Variants in PCDHGA3 observed in about 807,000 individuals in gnomAD.
The protein encoded by PCDHGA3 is protocadherin gamma subfamily A, 3, also known as protocadherin gamma-A3.
Under a neutral mutation model 58.5 loss-of-function variants are expected in PCDHGA3, and 40 were observed. That is an observed-to-expected ratio of 0.68 (90% CI 0.53 to 0.89). The LOEUF (loss-of-function observed/expected upper bound fraction) is 0.89, where lower values mean the gene tolerates loss of function less well. Ranked by LOEUF, PCDHGA3 falls within the 40% of genes least tolerant of loss-of-function variation. The pLI is 0.00. For missense variants in PCDHGA3, 1,223 were observed against 1,195.9 expected, an observed-to-expected ratio of 1.02 and a Z score of -0.33; for synonymous variants, 530 against 525.7, an observed-to-expected ratio of 1.01 and a Z score of -0.11.
chr5:141,373,195 T>C (rs1018941457), intron 1 of PCDHGA3, among the ~76,000 whole-genome samples: 1 of 152,262 alleles, frequency 6.6e-6, no homozygotes, highest in African/African-American at 2.4e-5. Context: ...ACATTATGTA[T>C]ATCTTAACAC....
chr5:141,430,723 A>C lies in PCDHGA3; in HGVS notation c.2425-64084A>C, dbSNP rs554822923. ...GAACTGCTCCTGACTTCAGTGGTTAAGGGCAGAATTGAAAATAATTCTGGA... is the reference window on the plus strand; with the variant it reads ...GAACTGCTCCTGACTTCAGTGGTTACGGGCAGAATTGAAAATAATTCTGGA... On this transcript the variant is annotated intron_variant, in intron 1 of 3. Transcript: ENST00000253812. 58 of 1,493,590 alleles carry C rather than the reference A, an allele frequency of 3.9e-5. No homozygotes were observed. The African/African-American group carries it at 7.7e-4, about 20-fold the overall frequency. The allele number at this position is 1,493,590 out of a possible 1,614,324, so 92.5% of individuals were successfully genotyped here. A position where few individuals can be genotyped will look rare whatever the true frequency, so the allele number is the denominator to read the frequency against.
In PCDHGA3 at chr5:141,511,346, C is replaced by T; in HGVS notation, c.*173C>T. 7.1e-7 allele frequency: 1 copy of T among 1,400,168 alleles called. No homozygotes were observed. The allele number at this position is 1,400,168 out of a possible 1,614,324, so 86.7% of individuals were successfully genotyped here. A position where few individuals can be genotyped will look rare whatever the true frequency, so the allele number is the denominator to read the frequency against. On this transcript the variant is annotated 3_prime_UTR_variant, in exon 4 of 4. Transcript: ENST00000253812. ...AGTGCCCAGTCAGCACCTACCCCTT[C>T]CCCCCCAGGGGGTTGAATATGCAAA...
Position 141,375,092 on chromosome 5 carries a change from A to G in PCDHGA3, c.2424+28635A>G, listed in dbSNP as rs775722663. On this transcript the variant is annotated intron_variant, in intron 1 of 3. Coordinates refer to ENST00000253812, the MANE Select transcript of PCDHGA3 (RefSeq NM_018916.4). ...AGACAGAGCGAAAGTCTTAATAACT[A>G]TCTTGGATGTCAATGATAATGTACC... 20 of 1,613,866 alleles carry G rather than the reference A, an allele frequency of 1.2e-5. No individual in the cohort carries two copies. In the Middle Eastern group the frequency reaches 6.6e-4, roughly 53 times the overall value.
In PCDHGA3 at chr5:141,432,677, C is replaced by T. The variant is rs1241190176; in HGVS notation, c.2425-62130C>T. On this transcript the variant is annotated intron_variant, in intron 1 of 3. Transcript: ENST00000253812. This position sits in a 1 kb window ranked among gnomAD's most constrained non-coding sequence, Gnocchi z 6.0. ...CCTGCTGGACAGAGACGCGCTCAAGCAGAGCCTCGTAGTGGCCGTCCAGGA... is the reference window on the plus strand; with the variant it reads ...CCTGCTGGACAGAGACGCGCTCAAGTAGAGCCTCGTAGTGGCCGTCCAGGA... The T allele has an allele frequency of 1.2e-6, 2 of 1,613,942 alleles. No individual in the cohort carries two copies. The highest frequency in any genetic ancestry group is 1.1e-5 in the South Asian group (1 of 91,076).
Position 141,345,143 on chromosome 5 carries a change from C to T in PCDHGA3, c.1110C>T (p.Asp370=), listed in dbSNP as rs774990344. Residue 370 remains aspartate, a synonymous_variant, in exon 1 of 4, where the codon GAC becomes GAT. Coordinates refer to ENST00000253812, the MANE Select transcript of PCDHGA3 (RefSeq NM_018916.4). ...GTVGREIALI[D]VHDRDSGQNG... ...TTGGAAGAGAAATTGCTCTTATCGACGTGCATGACCGAGATTCTGGGCAGA... is the reference window on the plus strand; with the variant it reads ...TTGGAAGAGAAATTGCTCTTATCGATGTGCATGACCGAGATTCTGGGCAGA... 34 of 1,613,872 alleles carry T rather than the reference C, an allele frequency of 2.1e-5. No homozygotes were observed. The highest frequency in any genetic ancestry group is 2.5e-5 in the Non-Finnish European group (29 of 1,179,880).
chr5:141,365,804 G>T, intron 1 of PCDHGA3: 1 of 1,613,872 alleles, frequency 6.2e-7, no homozygotes, highest in African/African-American at 1.3e-5. Context: ...CTACTCCCTG[G>T]CTGAAGACAC....
intron 1 of PCDHGA3, chr5:141,418,530 G>A (rs370822103): frequency 5.0e-6 from 8 of 1,613,834 alleles, no homozygotes; most frequent in Non-Finnish European, 6.8e-6. Context: ...CCCCGAAGCG[G>A]TACTGCTCAG....
rs1403096618 is a variant in PCDHGA3 at position 141,345,836 on chromosome 5, C to A, written c.1803C>A (p.Asn601Lys). ...VVAVDRDSGQ[N>K]AWLSYRLLKA... ...CGGTGGACAGAGACTCGGGCCAGAA[C>A]GCCTGGCTGTCCTACCGCCTGCTCA... The change falls in exon 1 of 4, where the codon AAC becomes AAA. Residue 601 changes from asparagine to lysine, a missense_variant. Asn to Lys is a moderately conservative substitution (Grantham distance 94). Coordinates refer to ENST00000253812, the MANE Select transcript of PCDHGA3 (RefSeq NM_018916.4). 5 of 1,613,426 alleles carry A rather than the reference C, an allele frequency of 3.1e-6. No homozygotes were observed. The highest frequency in any genetic ancestry group is 4.2e-6 in the Non-Finnish European group (5 of 1,179,998).
chr5:141,421,842 A>G (rs1209505923), intron 1 of PCDHGA3: 1 of 1,613,744 alleles, frequency 6.2e-7, no homozygotes, highest in Non-Finnish European at 8.5e-7. Context: ...ACCGAGAGAA[A>G]GAGGCTGCTC....
chr5:141,386,303 T>A (rs938709302), intron 1 of PCDHGA3, among the ~76,000 whole-genome samples: 6 of 152,202 alleles, frequency 3.9e-5, no homozygotes, highest in Admixed American at 2.0e-4. Flanking sequence ...TTAGTAAAGC[T>A]CAGTATATCA....
chr5:141,379,623 A>G (rs1775713746), intron 1 of PCDHGA3: 1 of 152,198 alleles, frequency 6.6e-6, no homozygotes, highest in African/African-American at 2.4e-5. Flanking sequence ...AACAAATAAA[A>G]TATTTCTCTG....
chr5:141,433,122 G>C (rs1442464320), intron 1 of PCDHGA3: 1 of 1,614,134 alleles, frequency 6.2e-7, no homozygotes, highest in Admixed American at 1.7e-5. Flanking sequence ...TTTGAAAAAA[G>C]CGAGCCCCTT....
At chr5:141,382,637 G>A (rs993305735) in intron 1 of PCDHGA3, 3 of 381,072 alleles carry the variant, frequency 7.9e-6, no homozygotes, top group African/African-American at 2.1e-5. Context: ...TCAATGTGGT[G>A]CAGTAACTTA....
intron 1 of PCDHGA3, among the ~76,000 whole-genome samples, chr5:141,482,435 A>G (rs2099559555): frequency 6.6e-6 from 1 of 150,568 alleles, no homozygotes; most frequent in South Asian, 2.1e-4. Flanking sequence ...GATAATACTG[A>G]TATTCACCAT....
intron 1 of PCDHGA3, among the ~76,000 whole-genome samples, chr5:141,461,644 A>C (rs1266858748): frequency 1.3e-5 from 2 of 151,868 alleles, no homozygotes; most frequent in Non-Finnish European, 2.9e-5. Flanking sequence ...TTCTTCTTTG[A>C]CCCATGGATT....
At chr5:141,479,023 GT>G (rs1436478867) in intron 1 of PCDHGA3, among the ~76,000 whole-genome samples, 1 of 152,056 alleles carries the variant, frequency 6.6e-6, no homozygotes, top group Non-Finnish European at 1.5e-5. Context: ...ATTTTCCTTT[GT>G]TTATACAGAT....
rs777439869 is a variant in PCDHGA3, at chr5:141,350,958, A to G, written c.2424+4501A>G. 5.6e-6 allele frequency: 9 copies of G among 1,613,978 alleles called. No homozygotes were observed. The highest frequency in any genetic ancestry group is 2.2e-5 in the East Asian group (1 of 44,898). ...ATCTGGATCCGAGTTACGGATGCCA[A>G]TGATAATGCTCCCGTGTTTAGCCAG... On this transcript the variant is annotated intron_variant, in intron 1 of 3. Coordinates refer to ENST00000253812, the MANE Select transcript of PCDHGA3 (RefSeq NM_018916.4).
intron 1 of PCDHGA3, chr5:141,415,337 G>A: frequency 1.2e-6 from 2 of 1,614,210 alleles, no homozygotes; most frequent in Non-Finnish European, 1.7e-6. Flanking sequence ...CACAGGCTGC[G>A]GCGCTGGCAC....
intron 1 of PCDHGA3, chr5:141,393,024 A>G (rs755325492): frequency 6.2e-7 from 1 of 1,613,834 alleles, no homozygotes; most frequent in East Asian, 2.2e-5. Context: ...CTCCAGAGGT[A>G]GGACGCAGCT....
Sources: allele counts gnomAD v4.1 joint callset (sites outside exome capture counted in the v4.1 genomes callset), GRCh38; gene constraint gnomAD v4.1.1; non-coding constraint Gnocchi (gnomAD v3.1); transcripts MANE v1.5; gene names NCBI Gene and HGNC (gene_info 2026-07-23, HGNC 2026-07-21).